HOXD3: variants seen among roughly 807,000 people sequenced by gnomAD.
HOXD3 encodes homeobox protein Hox-D3.
A neutral mutation model predicts 32.8 loss-of-function variants in HOXD3; 13 were observed. That is an observed-to-expected ratio of 0.40 (90% CI 0.26 to 0.63). The LOEUF (loss-of-function observed/expected upper bound fraction) is 0.63, where lower values mean the gene tolerates loss of function less well. Among genes scored for constraint, HOXD3 ranks in the 20% least tolerant of loss-of-function variants. The probability of loss-of-function intolerance (pLI) is 0.44; values close to 1 mark genes in which losing one functional copy is unlikely to be tolerated. For synonymous variants in HOXD3, 241 were observed against 246.8 expected (o/e 0.98, Z 0.22); for missense variants, 504 against 577.1 (o/e 0.87, Z 1.30).
At chr2:176,171,176 C>A (rs1486150819) in intron 3 of HOXD3, among the ~76,000 whole-genome samples, 1 of 152,170 alleles carries the variant, frequency 6.6e-6, no homozygotes, top group Non-Finnish European at 1.5e-5. Flanking sequence ...CAGAGGGAGG[C>A]CTTACCAGCT....
At chr2:176,157,087 T>C (rs1433326951), upstream of HOXD3, among the ~76,000 whole-genome samples, 1 of 152,002 alleles carries the variant, frequency 6.6e-6, no homozygotes, top group African/African-American at 2.4e-5. Flanking sequence ...ATCGGGACCC[T>C]CGGCGGACGG....
At chr2:176,153,722 C>T (rs1308939354), upstream of HOXD3, among the ~76,000 whole-genome samples, 2 of 152,156 alleles carry the variant, frequency 1.3e-5, no homozygotes, top group Admixed American at 1.3e-4. Context: ...GGCCTTAACC[C>T]TTCCAGAAGG....
chr2:176,162,110 C>T (rs1361164635), intron 1 of HOXD3, among the ~76,000 whole-genome samples: 10 of 152,262 alleles, frequency 6.6e-5, no homozygotes, highest in Admixed American at 6.5e-4. Context: ...GAGGAACCGA[C>T]TTCCAGGGGC....
intron 3 of HOXD3, 54 bp downstream of exon 3, chr2:176,169,709 A>C (rs1691110927): frequency 3.9e-6 from 6 of 1,522,520 alleles, no homozygotes; most frequent in Non-Finnish European, 5.3e-6. Flanking sequence ...GATTGACCCA[A>C]GGAAGCCTAG....
In HOXD3 at chr2:176,171,539, C is replaced by T. The variant is rs1476232494; in HGVS notation, c.564C>T (p.Ser188=). 1.9e-6 allele frequency: 3 copies of T among 1,593,640 alleles called. No homozygotes were observed. The South Asian group carries it at 3.5e-5, about 18-fold the overall frequency. Residue 188 remains serine, a synonymous_variant, in exon 4 of 4, where the codon AGC becomes AGT. Coordinates refer to ENST00000683222, the MANE Select transcript of HOXD3 (RefSeq NM_006898.5). The stretch of plus-strand genomic sequence containing the variant: ...CAGGAGAGAGCTGCGAGGACAAGAG[C>T]CCGCCAGGCCCAGCATCCAAGCGGG... ...ATAGESCEDK[S]PPGPASKRVR...
At chr2:176,152,964 C>T (rs777189868), upstream of HOXD3, 2 of 1,608,242 alleles carry the variant, frequency 1.2e-6, no homozygotes, top group South Asian at 2.2e-5. This position sits in a 1 kb window ranked among gnomAD's most constrained non-coding sequence, Gnocchi z 5.2. Context: ...CTGGGCCCAT[C>T]TCTCCCTGCG....
upstream of HOXD3, chr2:176,152,873 C>A (rs1176992835): frequency 6.2e-7 from 1 of 1,614,192 alleles, no homozygotes; most frequent in East Asian, 2.2e-5. The surrounding 1 kb of genome is among the most constrained non-coding windows in gnomAD (Gnocchi z 5.2). Flanking sequence ...CTTGCTCCTC[C>A]TCAGTCGCCC....
chr2:176,170,605 G>T (rs113027153), intron 3 of HOXD3, among the ~76,000 whole-genome samples: 1 of 152,150 alleles, frequency 6.6e-6, no homozygotes, highest in African/African-American at 2.4e-5. Context: ...TGGGGCCTGG[G>T]GTGTGGCTTG....
At chr2:176,167,835 C>T (rs1691027731) in intron 2 of HOXD3, among the ~76,000 whole-genome samples, 1 of 151,950 alleles carries the variant, frequency 6.6e-6, no homozygotes, top group Admixed American at 6.6e-5. Flanking sequence ...GCATTTATTG[C>T]ACTAACTACA....
Position 176,172,334 on chromosome 2 carries a change from G to A in HOXD3, c.*60G>A, listed in dbSNP as rs1350210370. On this transcript the variant is annotated 3_prime_UTR_variant, in exon 4 of 4. Coordinates refer to ENST00000683222, the MANE Select transcript of HOXD3 (RefSeq NM_006898.5). Reference sequence around the variant, plus strand: ...CCTCTCTTGCTGTAGTGGTGGGGTAGAGGGTGGGGCCCGCGGGGCAGTTCG... The same window carrying A: ...CCTCTCTTGCTGTAGTGGTGGGGTAAAGGGTGGGGCCCGCGGGGCAGTTCG... 1 of 1,482,614 alleles carries A rather than the reference G, an allele frequency of 6.7e-7. No homozygotes were observed. Among genetic ancestry groups the A allele is most frequent in the African/African-American group, 1.4e-5 (1 of 71,918 alleles). 91.8% of individuals were successfully genotyped at this position (1,482,614 alleles called of 1,614,324 possible).
intron 2 of HOXD3, among the ~76,000 whole-genome samples, chr2:176,167,254 T>C (rs894850303): frequency 1.3e-5 from 2 of 152,118 alleles, no homozygotes; most frequent in African/African-American, 4.8e-5. Context: ...CTCTCATTGG[T>C]TGTGGTTTGG....
chr2:176,159,414 G>C (rs1690728204), intron 1 of HOXD3, among the ~76,000 whole-genome samples: 1 of 152,204 alleles, frequency 6.6e-6, no homozygotes, highest in South Asian at 2.1e-4. Flanking sequence ...ACTCCTCTGG[G>C]GCTCTTCTAT....
chr2:176,156,412 G>A (rs890130659), upstream of HOXD3, among the ~76,000 whole-genome samples: 2 of 152,166 alleles, frequency 1.3e-5, no homozygotes, highest in Non-Finnish European at 2.9e-5. Flanking sequence ...TGCTGGGCCC[G>A]GGCCAGGCCC....
chr2:176,158,049 A>T (rs1366420916), intron 1 of HOXD3, among the ~76,000 whole-genome samples: 1 of 152,244 alleles, frequency 6.6e-6, no homozygotes, highest in Non-Finnish European at 1.5e-5. Flanking sequence ...TTTAACCAAC[A>T]GATAATGATT....
Position 176,172,279 on chromosome 2 carries a change from C to T in HOXD3, c.*5C>T. ...CCCAAACTGACGCATCTGTAGCGGC[C>T]GCCGCCAGCCCGAACTCGCGGCAAA... On this transcript the variant is annotated 3_prime_UTR_variant, in exon 4 of 4. Coordinates refer to ENST00000683222, the MANE Select transcript of HOXD3 (RefSeq NM_006898.5). The T allele has an allele frequency of 6.3e-7, 1 of 1,583,374 alleles. No individual in the cohort carries two copies. Among genetic ancestry groups the T allele is most frequent in the Non-Finnish European group, 8.6e-7 (1 of 1,168,056 alleles).
chr2:176,152,591 T>C (rs1437667472), upstream of HOXD3: 1 of 1,609,584 alleles, frequency 6.2e-7, no homozygotes, highest in Admixed American at 1.7e-5. The surrounding 1 kb of genome is among the most constrained non-coding windows in gnomAD (Gnocchi z 5.2). Flanking sequence ...GCCTGTCCTG[T>C]CTGTTTTGTC....
At chr2:176,168,120 A>G (rs533022476) in intron 2 of HOXD3, among the ~76,000 whole-genome samples, 157 of 152,276 alleles carry the variant, frequency 1.0e-3, no homozygotes, top group Middle Eastern at 6.8e-3. Flanking sequence ...CAGAGGTTCA[A>G]ATAAGTTGAA....
chr2:176,163,569 C>T (rs1237960555), intron 1 of HOXD3, among the ~76,000 whole-genome samples: 2 of 152,186 alleles, frequency 1.3e-5, no homozygotes, highest in Non-Finnish European at 2.9e-5. Context: ...CGCCCAGGTC[C>T]TCTTCACTGA....
intron 1 of HOXD3, among the ~76,000 whole-genome samples, chr2:176,159,774 C>A (rs1365404593): frequency 1.3e-5 from 2 of 152,212 alleles, no homozygotes; most frequent in Non-Finnish European, 2.9e-5. Context: ...GGACTCATTG[C>A]GCAGTCCTCC....
Sources: gnomAD v4.1 joint callset for allele counts (sites outside exome capture counted in the v4.1 genomes callset) on GRCh38, gnomAD v4.1.1 for gene constraint, Gnocchi (gnomAD v3.1) non-coding constraint, MANE v1.5 for transcripts, NCBI Gene and HGNC (gene_info 2026-07-23, HGNC 2026-07-21) for gene names.